Variants in MAGI2 observed in about 807,000 individuals in gnomAD.
MAGI2 encodes the protein membrane associated guanylate kinase, WW and PDZ domain containing 2.
MAGI2 carries 35 observed loss-of-function variants against 133.3 expected under a neutral mutation model. That is an observed-to-expected ratio of 0.26 (90% CI 0.20 to 0.35). MAGI2 has a LOEUF of 0.35. Among genes scored for constraint, MAGI2 ranks in the 10% least tolerant of loss-of-function variants. The pLI is 1.00. For synonymous variants in MAGI2, 729 were observed against 710.6 expected (o/e 1.03, Z -0.41); for missense variants, 1,636 against 1,863.4 (o/e 0.88, Z 2.25).
rs555432152 is a variant in MAGI2, at chr7:79,076,264, T to A, written c.302-69058A>T. ...AGTACCTAGGTACTAACTAGTTTAG[T>A]TTTAATTTAGAGCAGATGGACTGGG... On this transcript the variant is annotated intron_variant, in intron 1 of 21. Coordinates refer to ENST00000354212, the MANE Select transcript of MAGI2 (RefSeq NM_012301.4). Among the ~76,000 whole-genome samples the A allele has an allele frequency of 9.2e-5, 14 of 152,322 alleles. No homozygotes were observed. In the South Asian group the frequency reaches 1.9e-3, roughly 20 times the overall value.
intron 7 of MAGI2, among the ~76,000 whole-genome samples, chr7:78,367,195 G>C (rs1163797913): frequency 6.6e-6 from 1 of 151,604 alleles, no homozygotes; most frequent in Non-Finnish European, 1.5e-5. Flanking sequence ...TTCATAATTA[G>C]TTATAAAGGA....
chr7:79,321,469 C>CAT (rs58181344), intron 1 of MAGI2, among the ~76,000 whole-genome samples: 127,889 of 152,022 alleles, frequency 0.84, 53,881 homozygotes, highest in Middle Eastern at 0.86. Flanking sequence ...GATCCAACCA[C>CAT]GTTAACATTC....
At chr7:78,976,101 A>T (rs1487752982) in intron 2 of MAGI2, among the ~76,000 whole-genome samples, 1 of 151,684 alleles carries the variant, frequency 6.6e-6, no homozygotes, top group African/African-American at 2.4e-5. Flanking sequence ...TCACTCTAAT[A>T]CCAAAATCAG....
At chr7:78,928,408 A>G (rs985261438) in intron 2 of MAGI2, among the ~76,000 whole-genome samples, 20 of 139,492 alleles carry the variant, frequency 1.4e-4, no homozygotes, top group Non-Finnish European at 2.4e-4. Context: ...CTAATTAATT[A>G]AAAAAAAAAC....
intron 2 of MAGI2, chr7:79,000,156 C>A (rs979768502): frequency 3.3e-5 from 5 of 152,144 alleles, no homozygotes; most frequent in African/African-American, 1.2e-4. Context: ...TTCAACTTAA[C>A]ATCCCAGAAC....
intron 1 of MAGI2, among the ~76,000 whole-genome samples, chr7:79,248,770 C>T (rs1833001146): frequency 1.3e-5 from 2 of 151,802 alleles, no homozygotes; most frequent in Middle Eastern, 3.4e-3. Context: ...CTGAATGGAT[C>T]AATAAAGAAA....
chr7:78,431,410 T>C (rs921829563), intron 6 of MAGI2, among the ~76,000 whole-genome samples: 6 of 152,100 alleles, frequency 3.9e-5, no homozygotes, highest in African/African-American at 1.4e-4. Flanking sequence ...TCAATATGAT[T>C]ATCCTATGGA....
Position 78,674,119 on chromosome 7 carries a change from C to T in MAGI2, c.419-46880G>A, listed in dbSNP as rs181548952. Reference sequence around the variant, plus strand: ...CAACAATTTTTTGCTATACAGTGTACCTTTCATACATTAATAAAAGTTTGT... The same window carrying T: ...CAACAATTTTTTGCTATACAGTGTATCTTTCATACATTAATAAAAGTTTGT... On this transcript the variant is annotated intron_variant, in intron 2 of 21. Transcript: ENST00000354212. Among the ~76,000 whole-genome samples the T allele has an allele frequency of 2.8e-3, 431 of 152,166 alleles. 2 individuals are homozygous for T. The highest frequency in any genetic ancestry group is 4.7e-3 in the Non-Finnish European group (319 of 67,996).
In MAGI2 at chr7:78,406,830, A is replaced by T. The variant is rs541550476; in HGVS notation, c.1046-37617T>A. Among the ~76,000 whole-genome samples, 3 of 152,202 alleles carry T rather than the reference A, an allele frequency of 2.0e-5. No homozygotes were observed. In the East Asian group the frequency reaches 5.8e-4, roughly 29 times the overall value. On this transcript the variant is annotated intron_variant, in intron 6 of 21. Coordinates refer to ENST00000354212, the MANE Select transcript of MAGI2 (RefSeq NM_012301.4). The stretch of plus-strand genomic sequence containing the variant: ...ATAAACATCTGGAAGAGTGAAAGGG[A>T]TGTTCAATGTCTATTGACATATAAT...
intron 3 of MAGI2, among the ~76,000 whole-genome samples, chr7:78,574,670 A>G (rs1010546877): frequency 1.3e-5 from 2 of 152,208 alleles, no homozygotes; most frequent in Non-Finnish European, 2.9e-5. Flanking sequence ...AGTTTTCTAA[A>G]GTAGAAAGCG....
At chr7:78,686,993 T>C (rs1816391802) in intron 2 of MAGI2, among the ~76,000 whole-genome samples, 1 of 152,220 alleles carries the variant, frequency 6.6e-6, no homozygotes, top group Non-Finnish European at 1.5e-5. Flanking sequence ...GAGACTGGGC[T>C]AAATCACTGG....
chr7:78,748,450 C>T (rs562814039), intron 2 of MAGI2, among the ~76,000 whole-genome samples: 5 of 152,272 alleles, frequency 3.3e-5, no homozygotes, highest in African/African-American at 1.2e-4. Flanking sequence ...CCTATTATCG[C>T]TCCCAATTCT....
chr7:79,434,717 G>C (rs1313169353), intron 1 of MAGI2, among the ~76,000 whole-genome samples: 2 of 152,186 alleles, frequency 1.3e-5, no homozygotes, highest in African/African-American at 4.8e-5. Context: ...GTTATGGACA[G>C]AGGTTCTTAA....
chr7:78,687,529 G>A (rs1228551834), intron 2 of MAGI2, among the ~76,000 whole-genome samples: 1 of 152,182 alleles, frequency 6.6e-6, no homozygotes, highest in Non-Finnish European at 1.5e-5. Context: ...GACCATACCT[G>A]CATAATTTCC....
intron 1 of MAGI2, among the ~76,000 whole-genome samples, chr7:79,368,015 G>A (rs1020381101): frequency 6.6e-6 from 1 of 151,668 alleles, no homozygotes. Flanking sequence ...AATTTCCTAT[G>A]AACTGGCCAC....
chr7:79,049,720 T>C (rs537405003), intron 1 of MAGI2, among the ~76,000 whole-genome samples: 105 of 152,254 alleles, frequency 6.9e-4, no homozygotes, highest in Middle Eastern at 3.4e-3. Context: ...CTACCTCTCA[T>C]ATTTTTATAC....
intron 6 of MAGI2, among the ~76,000 whole-genome samples, chr7:78,433,222 T>C (rs1799962591): frequency 6.6e-6 from 1 of 152,078 alleles, no homozygotes; most frequent in African/African-American, 2.4e-5. Context: ...AATAACCCAA[T>C]TACAGCTTAA....
chr7:78,062,077 G>T (rs138867284), intron 21 of MAGI2, among the ~76,000 whole-genome samples: 1 of 152,240 alleles, frequency 6.6e-6, no homozygotes, highest in African/African-American at 2.4e-5. Context: ...TTTTGTTTTG[G>T]TAACCTACAA....
intron 21 of MAGI2, among the ~76,000 whole-genome samples, chr7:78,076,897 G>A (rs796336389): frequency 8.9e-5 from 12 of 134,672 alleles, no homozygotes; most frequent in African/African-American, 3.0e-4. Context: ...ATGAAATAAT[G>A]TTGACACGAT....
Sources: allele counts gnomAD v4.1 joint callset (sites outside exome capture counted in the v4.1 genomes callset), GRCh38; gene constraint gnomAD v4.1.1; transcripts MANE v1.5; gene names NCBI Gene and HGNC (gene_info 2026-07-23, HGNC 2026-07-21).